Variants in STOML1 observed in about 807,000 individuals in gnomAD.
STOML1 encodes stomatin-like protein 1.
In STOML1, 27 loss-of-function variants were observed where a neutral mutation model predicts 35.7. The observed-to-expected ratio is 0.76, with a 90% CI of 0.56 to 1.04. STOML1 has a LOEUF of 1.04. STOML1 is among the 50% of genes least tolerant of loss of function. STOML1 has a pLI of 0.00. For synonymous variants in STOML1, 219 were observed against 227.9 expected (o/e 0.96, Z 0.35); for missense variants, 451 against 527.1 (o/e 0.86, Z 1.41).
In STOML1 at chr15:73,984,076, TCC is replaced by T. The variant is rs773075698; in HGVS notation, c.1056_1057del (p.Glu353AspfsTer82). ...GGCCCGCAGGTCTGCCTCGGCCATC[TCC>T]ACCACCACATCAGGGATGCCATCAG... On this transcript the variant is annotated frameshift_variant, in exon 7 of 7. Coordinates refer to ENST00000541638, the MANE Select transcript of STOML1 (RefSeq NM_004809.5). LOFTEE classifies it high-confidence loss of function. 1.2e-6 allele frequency: 2 copies of T among 1,614,026 alleles called. No individual in the cohort carries two copies. The highest frequency in any genetic ancestry group is 3.3e-5 in the Admixed American group (2 of 60,020).
intron 6 of STOML1, 53 bp from the exon 7 acceptor site, chr15:73,984,183 G>A: frequency 6.4e-7 from 1 of 1,553,798 alleles, no homozygotes; most frequent in Non-Finnish European, 8.8e-7. Context: ...GAACGTGAAG[G>A]AGATCTATGG....
At chr15:73,993,251 TCTCCAGGGC>T (rs1357541406), upstream of STOML1, among the ~76,000 whole-genome samples, 1 of 152,194 alleles carries the variant, frequency 6.6e-6, no homozygotes, top group African/African-American at 2.4e-5. Flanking sequence ...TTAACTTGCC[TCTCCAGGGC>T]TTGAGAAAAC....
Position 73,980,823 on chromosome 15 carries a change from T to G in STOML1, c.*3114A>C, listed in dbSNP as rs2068952407. ...TTGGGAGGCTGTGGTGGGAGGATCC[T>G]GCGAGCCCAGGAGTTCAAGACCAGC... On this transcript the variant is annotated 3_prime_UTR_variant, in exon 7 of 7. Transcript: ENST00000541638. 6.7e-6 allele frequency: 1 copy of G among 149,518 alleles called. No individual in the cohort carries two copies. Among genetic ancestry groups the G allele is most frequent in the South Asian group, 2.1e-4 (1 of 4,678 alleles). 9.3% of individuals were successfully genotyped at this position (149,518 alleles called of 1,614,324 possible).
chr15:73,983,750 TG>T lies in STOML1; in HGVS notation c.*186del. 1.6e-6 allele frequency: 1 copy of T among 628,072 alleles called. No homozygotes were observed. The highest frequency in any genetic ancestry group is 2.7e-6 in the Non-Finnish European group (1 of 368,216). 38.9% of individuals were successfully genotyped at this position (628,072 alleles called of 1,614,324 possible). ...GACAAAGCCTTGTCCAGAGAACCAC[TG>T]TAGGGGAGACGTGCATGGCAGCCGG... On this transcript the variant is annotated 3_prime_UTR_variant, in exon 7 of 7. Coordinates refer to ENST00000541638, the MANE Select transcript of STOML1 (RefSeq NM_004809.5).
rs1382209755 is a variant in STOML1 at position 73,982,664 on chromosome 15, G to A, written c.*1273C>T. On this transcript the variant is annotated 3_prime_UTR_variant, in exon 7 of 7. Transcript: ENST00000541638. The stretch of plus-strand genomic sequence containing the variant: ...AGGCTGGGGGCTGTTCTTAAGGGGA[G>A]GCTTTGATTTTTGTGGTTTTGTTTT... 2.6e-5 allele frequency: 4 copies of A among 152,398 alleles called. No individual in the cohort carries two copies. The allele number at this position is 152,398 out of a possible 1,614,324, so 9.4% of individuals were successfully genotyped here. A position where few individuals can be genotyped will look rare whatever the true frequency, so the allele number is the denominator to read the frequency against.
intron 1 of STOML1, 38 bp downstream of exon 1, chr15:73,992,053 G>C: frequency 1.3e-6 from 2 of 1,525,162 alleles, no homozygotes; most frequent in Non-Finnish European, 1.8e-6. Context: ...GTTGCCGGCC[G>C]GTCCCCCCCG....
intron 1 of STOML1, chr15:73,991,738 G>C: frequency 1.9e-6 from 1 of 517,140 alleles, no homozygotes; most frequent in East Asian, 5.1e-5. Flanking sequence ...TAGGGTGCTG[G>C]TGGCCTCCTC....
At chr15:73,994,220 T>C (rs1341737912), upstream of STOML1, among the ~76,000 whole-genome samples, 1 of 152,180 alleles carries the variant, frequency 6.6e-6, no homozygotes, top group African/African-American at 2.4e-5. Context: ...TGGCCAAAAT[T>C]AGTTCCCAAA....
chr15:73,993,750 G>A (rs2069355057), upstream of STOML1, among the ~76,000 whole-genome samples: 1 of 152,244 alleles, frequency 6.6e-6, no homozygotes, highest in South Asian at 2.1e-4. Flanking sequence ...CGCTGACCCA[G>A]TGAGGTCACC....
At position 73,981,279 on chromosome 15, in the gene STOML1, C is replaced by T. The variant is rs1371897653; in HGVS notation, c.*2658G>A. 1 of 152,066 alleles carries T rather than the reference C, an allele frequency of 6.6e-6. No individual in the cohort carries two copies. The highest frequency in any genetic ancestry group is 2.4e-5 in the African/African-American group (1 of 41,396). 9.4% of individuals were successfully genotyped at this position (152,066 alleles called of 1,614,324 possible). ...TCTGAGGCAGGAGAATCACTTGAAT[C>T]CGGGAGGTAGAGGTTGCAGTGAGCT... On this transcript the variant is annotated 3_prime_UTR_variant, in exon 7 of 7. Transcript: ENST00000541638.
Position 73,990,744 on chromosome 15 carries a change from G to A in STOML1, c.134-287C>T, listed in dbSNP as rs1045948938. 21 of 1,442,784 alleles carry A rather than the reference G, an allele frequency of 1.5e-5. No individual in the cohort carries two copies. In the East Asian group the frequency reaches 2.0e-4, roughly 14 times the overall value. 89.4% of individuals were successfully genotyped at this position (1,442,784 alleles called of 1,614,324 possible). A position where few individuals can be genotyped will look rare whatever the true frequency, so the allele number is the denominator to read the frequency against. On this transcript the variant is annotated intron_variant, in intron 1 of 6. Transcript: ENST00000541638. ...CATTCAATCTCAGAATCCAGTCCGC[G>A]TGATGATGCTCTCCTCACTGGACTG...
Position 73,988,402 on chromosome 15 carries a change from T to G in STOML1, c.594+197A>C. On this transcript the variant is annotated intron_variant, in intron 4 of 6. Coordinates refer to ENST00000541638, the MANE Select transcript of STOML1 (RefSeq NM_004809.5). The surrounding 1 kb of genome is among the most constrained non-coding windows in gnomAD (Gnocchi z 4.8). ...TTCTCAGGGACAAGTTTGCCCAGGA[T>G]CGTTATGGTCTACGCCCACCTGCCA... 1.6e-6 allele frequency: 1 copy of G among 636,466 alleles called. No individual in the cohort carries two copies. The highest frequency in any genetic ancestry group is 2.6e-6 in the Non-Finnish European group (1 of 378,392). The allele number at this position is 636,466 out of a possible 1,614,324, so 39.4% of individuals were successfully genotyped here.
At position 73,979,808 on chromosome 15, in the gene STOML1, G is replaced by A. The variant is rs1460795637; in HGVS notation, c.*4129C>T. On this transcript the variant is annotated 3_prime_UTR_variant, in exon 7 of 7. Coordinates refer to ENST00000541638, the MANE Select transcript of STOML1 (RefSeq NM_004809.5). ...AACAATTGGACAATAAACAGGCTGG[G>A]CTAGATGGCTCATGCCTGTAATCCT... is the stretch of plus-strand genomic sequence containing the variant. 6.6e-6 allele frequency: 1 copy of A among 151,584 alleles called. No homozygotes were observed. The highest frequency in any genetic ancestry group is 1.5e-5 in the Non-Finnish European group (1 of 68,028). The allele number at this position is 151,584 out of a possible 1,614,324, so 9.4% of individuals were successfully genotyped here. A position where few individuals can be genotyped will look rare whatever the true frequency, so the allele number is the denominator to read the frequency against.
chr15:73,984,562 G>T, intron 6 of STOML1, 97 bp downstream of exon 6: 1 of 1,404,004 alleles, frequency 7.1e-7, no homozygotes, highest in Admixed American at 2.1e-5. Flanking sequence ...CAAATTATTG[G>T]CAGGAGCAGG....
intron 5 of STOML1, 98 bp from the exon 6 acceptor site, chr15:73,984,969 C>A (rs2069044229): frequency 7.1e-7 from 1 of 1,408,318 alleles, no homozygotes; most frequent in Admixed American, 1.9e-5. Flanking sequence ...CCTTTTGTGG[C>A]AGTTTCCTCT....
intron 2 of STOML1, 101 bp downstream of exon 2, chr15:73,990,250 A>C (rs1379890170): frequency 1.0e-6 from 1 of 1,003,904 alleles, no homozygotes; most frequent in Admixed American, 2.2e-5. Context: ...AGGGGTAATA[A>C]TATTTAGGGA....
In STOML1 at chr15:73,992,044, T is replaced by A. The variant is rs768544563; in HGVS notation, c.133+47A>T. 16 of 1,514,774 alleles carry A rather than the reference T, an allele frequency of 1.1e-5. No homozygotes were observed. In the South Asian group the frequency reaches 2.0e-4, roughly 19 times the overall value. The allele number at this position is 1,514,774 out of a possible 1,614,324, so 93.8% of individuals were successfully genotyped here. On this transcript the variant is annotated intron_variant, in intron 1 of 6. Coordinates refer to ENST00000541638, the MANE Select transcript of STOML1 (RefSeq NM_004809.5). ...GGAGGCAGAGATTCGGGCCTGGGGG[T>A]TGCCGGCCGGTCCCCCCCGGCTCCG... is the stretch of plus-strand genomic sequence containing the variant.
chr15:73,990,799 T>C (rs1224350627), intron 1 of STOML1: 9 of 1,535,350 alleles, frequency 5.9e-6, no homozygotes, highest in African/African-American at 2.7e-5. Flanking sequence ...GTTTAATTTA[T>C]ATTGCCTACC....
intron 1 of STOML1, chr15:73,990,993 G>A (rs1324586647): frequency 7.0e-7 from 1 of 1,419,098 alleles, no homozygotes; most frequent in South Asian, 1.6e-5. Flanking sequence ...CCACAGATGA[G>A]GAATTAGATT....
Sources: allele counts gnomAD v4.1 joint callset (sites outside exome capture counted in the v4.1 genomes callset), GRCh38; gene constraint gnomAD v4.1.1; non-coding constraint Gnocchi (gnomAD v3.1); transcripts MANE v1.5; gene names NCBI Gene and HGNC (gene_info 2026-07-23, HGNC 2026-07-21).